Variants in FER1L6 observed in about 807,000 individuals in gnomAD.
FER1L6 encodes fer-1 like family member 6.
In FER1L6, 177 loss-of-function variants were observed where a neutral mutation model predicts 219.2. The ratio of observed to expected loss-of-function variants is 0.81; its 90% CI spans 0.71 to 0.91. FER1L6 has a LOEUF of 0.91. Among genes scored for constraint, FER1L6 ranks in the 40% least tolerant of loss-of-function variants. The probability of loss-of-function intolerance (pLI) is 0.00; values close to 1 mark genes in which losing one functional copy is unlikely to be tolerated. For missense variants in FER1L6, 2,153 were observed against 2,259.9 expected (o/e 0.95, Z 0.96); for synonymous variants, 768 against 824.3 (o/e 0.93, Z 1.17).
chr8:123,886,338 C>T (rs1442009105), intron 1 of FER1L6, among the ~76,000 whole-genome samples: 1 of 152,126 alleles, frequency 6.6e-6, no homozygotes, highest in Non-Finnish European at 1.5e-5. Flanking sequence ...CCTTTGGTGC[C>T]ATTCTCCCCG....
rs138295558 is a variant in FER1L6 at position 124,045,994 on chromosome 8, C to T, written c.2724+93C>T. 32 of 1,477,934 alleles carry T rather than the reference C, an allele frequency of 2.2e-5. No homozygotes were observed. The Admixed American group carries it at 2.2e-4, about 10-fold the overall frequency. 91.6% of individuals were successfully genotyped at this position (1,477,934 alleles called of 1,614,324 possible). A position where few individuals can be genotyped will look rare whatever the true frequency, so the allele number is the denominator to read the frequency against. ...TATTTTAAAGTAAATAAAGTCCTGACGCTGTGAGTGGTGAGAACACTAGAT... is the reference window on the plus strand; with the variant it reads ...TATTTTAAAGTAAATAAAGTCCTGATGCTGTGAGTGGTGAGAACACTAGAT... On this transcript the variant is annotated intron_variant, in intron 21 of 40. Coordinates refer to ENST00000522917, the MANE Select transcript of FER1L6 (RefSeq NM_001039112.2).
intron 39 of FER1L6, among the ~76,000 whole-genome samples, chr8:124,116,472 T>A (rs901332567): frequency 1.4e-5 from 2 of 147,010 alleles, no homozygotes; most frequent in South Asian, 2.2e-4. Context: ...ACCATGCAAG[T>A]TATAAAGTGC....
intron 9 of FER1L6, 39 bp from the exon 10 acceptor site, chr8:123,977,378 T>C: frequency 6.3e-7 from 1 of 1,579,276 alleles, no homozygotes; most frequent in Non-Finnish European, 8.6e-7. Flanking sequence ...AGTCAGTCAG[T>C]CCCTTCCATG....
chr8:123,931,637 T>C (rs1813775362), intron 1 of FER1L6, among the ~76,000 whole-genome samples: 1 of 152,254 alleles, frequency 6.6e-6, no homozygotes, highest in Non-Finnish European at 1.5e-5. Flanking sequence ...GTTTTCTCTT[T>C]TTCAAGGATG....
At chr8:124,112,695 A>G (rs1005338599) in intron 39 of FER1L6, among the ~76,000 whole-genome samples, 1 of 152,244 alleles carries the variant, frequency 6.6e-6, no homozygotes, top group Non-Finnish European at 1.5e-5. Flanking sequence ...AGCTGTCAGC[A>G]TCTATTATGG....
At chr8:124,021,045 A>G (rs1290952956) in intron 16 of FER1L6, among the ~76,000 whole-genome samples, 2 of 152,112 alleles carry the variant, frequency 1.3e-5, no homozygotes, top group East Asian at 1.9e-4. Flanking sequence ...CACATCTTAC[A>G]TGGTGGCAGG....
At chr8:123,918,016 T>A (rs1416327493) in intron 1 of FER1L6, among the ~76,000 whole-genome samples, 1 of 152,118 alleles carries the variant, frequency 6.6e-6, no homozygotes, top group Non-Finnish European at 1.5e-5. Flanking sequence ...TCTTTTCAAT[T>A]CAACAAATAC....
chr8:123,888,609 T>C (rs9656951), intron 1 of FER1L6, among the ~76,000 whole-genome samples: 21,358 of 152,062 alleles, frequency 0.14, 1,540 homozygotes, highest in Middle Eastern at 0.2. Flanking sequence ...TCTTTGGAGA[T>C]TGGGGAGGTT....
In FER1L6 at chr8:123,858,607, C is replaced by T. The variant is rs771491587; in HGVS notation, c.-8+6422C>T. Reference sequence around the variant, plus strand: ...GATCAGATGCAAGGGTTTAGCAGTCCAGACATGGGCATGGCATCTGTCACT... The same window carrying T: ...GATCAGATGCAAGGGTTTAGCAGTCTAGACATGGGCATGGCATCTGTCACT... On this transcript the variant is annotated intron_variant, in intron 1 of 40. Coordinates refer to ENST00000522917, the MANE Select transcript of FER1L6 (RefSeq NM_001039112.2). Among the ~76,000 whole-genome samples the T allele has an allele frequency of 5.9e-5, 9 of 152,304 alleles. No homozygotes were observed. The South Asian group carries it at 1.9e-3, about 32-fold the overall frequency.
rs144237520 is a variant in FER1L6, at chr8:123,876,378, G to T, written c.-8+24193G>T. On this transcript the variant is annotated intron_variant, in intron 1 of 40. Transcript: ENST00000522917. ...CTGTGGCCCAGACTGGAGTGCAGTG[G>T]CATGATCACAGCTCACTGCAGCCTT... Among the ~76,000 whole-genome samples, 625 of 152,056 alleles carry T rather than the reference G, an allele frequency of 4.1e-3. 3 individuals are homozygous for T. The highest frequency in any genetic ancestry group is 0.014 in the African/African-American group (585 of 41,458).
At chr8:123,949,238 C>T (rs1299981804) in intron 1 of FER1L6, among the ~76,000 whole-genome samples, 1 of 152,148 alleles carries the variant, frequency 6.6e-6, no homozygotes, top group Non-Finnish European at 1.5e-5. Flanking sequence ...CTGAATAGCA[C>T]CCTCTTGGAG....
chr8:123,877,939 T>A (rs1416148413), intron 1 of FER1L6, among the ~76,000 whole-genome samples: 1 of 151,460 alleles, frequency 6.6e-6, no homozygotes, highest in African/African-American at 2.4e-5. Flanking sequence ...AAAAAAGGGG[T>A]GAGGGTTGGG....
intron 1 of FER1L6, among the ~76,000 whole-genome samples, chr8:123,941,154 T>C (rs1814224401): frequency 1.3e-5 from 2 of 152,134 alleles, no homozygotes; most frequent in Admixed American, 6.5e-5. Context: ...TTTTGTCTAA[T>C]AATGAAAGTG....
intron 1 of FER1L6, among the ~76,000 whole-genome samples, chr8:123,899,990 G>C (rs1054034450): frequency 6.6e-6 from 1 of 152,008 alleles, no homozygotes; most frequent in Non-Finnish European, 1.5e-5. Context: ...TTCTTTTTTG[G>C]TTCCATATGA....
chr8:124,052,800 G>C (rs993333245), intron 22 of FER1L6, among the ~76,000 whole-genome samples: 5 of 151,726 alleles, frequency 3.3e-5, no homozygotes, highest in African/African-American at 7.3e-5. Context: ...AACAAACAAA[G>C]AAACAAACAA....
At chr8:123,883,377 A>G (rs989220532) in intron 1 of FER1L6, among the ~76,000 whole-genome samples, 5 of 152,188 alleles carry the variant, frequency 3.3e-5, no homozygotes, top group Admixed American at 1.3e-4. Context: ...AGCCTAGAGG[A>G]ATCTAGGCAT....
At chr8:124,106,991 C>G (rs1465620273) in intron 39 of FER1L6, among the ~76,000 whole-genome samples, 2 of 147,734 alleles carry the variant, frequency 1.4e-5, no homozygotes. Context: ...CTCTGTCGCC[C>G]AGGCTGGAGT....
Position 124,119,832 on chromosome 8 carries a change from C to G in FER1L6, c.*42C>G. 3 of 1,594,608 alleles carry G rather than the reference C, an allele frequency of 1.9e-6. No homozygotes were observed. Among genetic ancestry groups the G allele is most frequent in the African/African-American group, 1.3e-5 (1 of 74,562 alleles). On this transcript the variant is annotated 3_prime_UTR_variant, in exon 41 of 41. Transcript: ENST00000522917. ...CAGATCCTCGCCATATACTAATCCT[C>G]TCTTCCTTATCTGGGAGCATCTAAG...
intron 1 of FER1L6, among the ~76,000 whole-genome samples, chr8:123,935,945 T>G (rs1278307726): frequency 1.3e-5 from 1 of 75,948 alleles, no homozygotes; most frequent in Non-Finnish European, 2.6e-5. Flanking sequence ...AACTGGCTAA[T>G]GCAAAAAAAA....
Sources: allele counts gnomAD v4.1 joint callset (sites outside exome capture counted in the v4.1 genomes callset), GRCh38; gene constraint gnomAD v4.1.1; transcripts MANE v1.5; gene names NCBI Gene and HGNC (gene_info 2026-07-23, HGNC 2026-07-21).